Variants in NELL1 observed in about 807,000 individuals in gnomAD.
NELL1 encodes protein kinase C-binding protein NELL1.
NELL1 carries 76 observed loss-of-function variants against 107.4 expected under a neutral mutation model. That is an observed-to-expected ratio of 0.71 (90% CI 0.59 to 0.86). The LOEUF (loss-of-function observed/expected upper bound fraction) is 0.86, where lower values mean the gene tolerates loss of function less well. Among genes scored for constraint, NELL1 ranks in the 40% least tolerant of loss-of-function variants. The pLI, the probability that NELL1 is intolerant of heterozygous loss-of-function variation, is 0.00. For synonymous variants in NELL1, 353 were observed against 341.2 expected, an observed-to-expected ratio of 1.03 and a Z score of -0.38; for missense variants, 1,024 against 1,005.5, an observed-to-expected ratio of 1.02 and a Z score of -0.25.
At chr11:21,140,736 C>G (rs978081730) in intron 13 of NELL1, among the ~76,000 whole-genome samples, 2 of 152,094 alleles carry the variant, frequency 1.3e-5, no homozygotes, top group Admixed American at 6.6e-5. Context: ...ATTGCTAGCT[C>G]TTTATAGAAA....
At chr11:20,964,455 T>C (rs563980033) in intron 12 of NELL1, among the ~76,000 whole-genome samples, 19 of 152,334 alleles carry the variant, frequency 1.2e-4, no homozygotes, top group Admixed American at 1.2e-3. Flanking sequence ...CAGAGTGTTT[T>C]AAATTTTTCA....
chr11:21,421,224 T>A (rs1161980309), intron 15 of NELL1, among the ~76,000 whole-genome samples: 2 of 152,190 alleles, frequency 1.3e-5, no homozygotes, highest in Non-Finnish European at 2.9e-5. Context: ...GGAATCTGCC[T>A]CTTCACCTAA....
intron 13 of NELL1, among the ~76,000 whole-genome samples, chr11:21,167,422 T>C (rs895307607): frequency 1.3e-5 from 2 of 151,838 alleles, no homozygotes; most frequent in African/African-American, 2.4e-5. Context: ...TGAGCCCTGG[T>C]TGGCTTAAGC....
At chr11:20,670,812 A>T (rs1251666236) in intron 1 of NELL1, among the ~76,000 whole-genome samples, 1 of 152,110 alleles carries the variant, frequency 6.6e-6, no homozygotes, top group Non-Finnish European at 1.5e-5. Context: ...CTGTGTGGTC[A>T]TTCCCTTTCC....
intron 13 of NELL1, among the ~76,000 whole-genome samples, chr11:21,180,200 T>C (rs1277951334): frequency 1.3e-5 from 2 of 151,748 alleles, no homozygotes; most frequent in African/African-American, 2.4e-5. Context: ...TAAATTAACC[T>C]GTATTACATA....
chr11:21,474,696 C>T (rs1190474745), intron 15 of NELL1, among the ~76,000 whole-genome samples: 3 of 151,988 alleles, frequency 2.0e-5, no homozygotes, highest in African/African-American at 7.3e-5. Flanking sequence ...TTTACATAAG[C>T]ACAATCTTTT....
At chr11:20,903,436 T>G (rs1391794733) in intron 5 of NELL1, among the ~76,000 whole-genome samples, 1 of 152,072 alleles carries the variant, frequency 6.6e-6, no homozygotes, top group Admixed American at 6.6e-5. Context: ...CACTTAGACC[T>G]CCTCATTGAG....
At chr11:21,509,934 G>A (rs777090199) in intron 15 of NELL1, among the ~76,000 whole-genome samples, 4 of 152,166 alleles carry the variant, frequency 2.6e-5, no homozygotes, top group Admixed American at 6.5e-5. Flanking sequence ...CCAAACTGCA[G>A]AGGATTCCAA....
chr11:21,308,886 C>T (rs1050938855), intron 14 of NELL1, among the ~76,000 whole-genome samples: 2 of 151,656 alleles, frequency 1.3e-5, no homozygotes, highest in African/African-American at 2.4e-5. Context: ...GTTGCTATTA[C>T]ATTATAGGAA....
At chr11:20,770,187 G>A (rs931986896) in intron 2 of NELL1, among the ~76,000 whole-genome samples, 3 of 152,200 alleles carry the variant, frequency 2.0e-5, no homozygotes, top group African/African-American at 7.2e-5. Flanking sequence ...TCATTTGGAA[G>A]GGTTTGAGGT....
At chr11:20,749,643 G>A (rs540710246) in intron 2 of NELL1, among the ~76,000 whole-genome samples, 14 of 152,060 alleles carry the variant, frequency 9.2e-5, no homozygotes, top group African/African-American at 3.1e-4. Context: ...GGTGTAATTA[G>A]CATACAATAA....
intron 15 of NELL1, among the ~76,000 whole-genome samples, chr11:21,431,149 G>C (rs569699576): frequency 6.6e-6 from 1 of 151,932 alleles, no homozygotes; most frequent in Non-Finnish European, 1.5e-5. Context: ...ACATCTACTT[G>C]GCTGATTTAC....
rs1441484811 is a variant in NELL1 at position 20,669,611 on chromosome 11, C to G, written c.-113C>G. ...ACCCGGCGCTGCCGAGCCACCTCCCCCGCCGCCCGCTAGCAAGTTTGGCGG... is the reference window on the plus strand; with the variant it reads ...ACCCGGCGCTGCCGAGCCACCTCCCGCGCCGCCCGCTAGCAAGTTTGGCGG... On this transcript the variant is annotated 5_prime_UTR_variant, in exon 1 of 20. Coordinates refer to ENST00000357134, the MANE Select transcript of NELL1 (RefSeq NM_006157.5). This position sits in a 1 kb window ranked among gnomAD's most constrained non-coding sequence, Gnocchi z 4.4. 5.6e-6 allele frequency: 5 copies of G among 900,484 alleles called. No individual in the cohort carries two copies. The South Asian group carries it at 7.6e-5, about 14-fold the overall frequency. The allele number at this position is 900,484 out of a possible 1,614,324, so 55.8% of individuals were successfully genotyped here.
chr11:21,479,745 G>A (rs567497293), intron 15 of NELL1, among the ~76,000 whole-genome samples: 6 of 152,224 alleles, frequency 3.9e-5, no homozygotes, highest in African/African-American at 1.4e-4. Flanking sequence ...TATCCCATTT[G>A]TCCTGTTGTG....
intron 2 of NELL1, among the ~76,000 whole-genome samples, chr11:20,721,305 T>C (rs1855383583): frequency 6.6e-6 from 1 of 151,258 alleles, no homozygotes. Flanking sequence ...TGTACGAATT[T>C]TGTATCAACA....
At chr11:20,927,582 G>A (rs1199076198) in intron 8 of NELL1, 140 bp downstream of exon 8, 3 of 699,318 alleles carry the variant, frequency 4.3e-6, no homozygotes, top group Middle Eastern at 2.7e-4. Context: ...CTAGCCATAC[G>A]AGCAATTGTG....
intron 3 of NELL1, among the ~76,000 whole-genome samples, chr11:20,807,676 C>A (rs1321286361): frequency 6.6e-6 from 1 of 152,198 alleles, no homozygotes; most frequent in Non-Finnish European, 1.5e-5. Flanking sequence ...GAGATTCCAT[C>A]TGGGAGCCAG....
At chr11:21,224,709 A>G (rs1857848845) in intron 13 of NELL1, among the ~76,000 whole-genome samples, 1 of 152,132 alleles carries the variant, frequency 6.6e-6, no homozygotes, top group South Asian at 2.1e-4. Context: ...TCAAGTTTAG[A>G]AATTATTCTG....
intron 15 of NELL1, among the ~76,000 whole-genome samples, chr11:21,476,798 G>A (rs1355333539): frequency 6.6e-6 from 1 of 152,078 alleles, no homozygotes; most frequent in Non-Finnish European, 1.5e-5. Context: ...CTTAGGGAAG[G>A]GAGAGCACAA....
Sources: gnomAD v4.1 joint callset for allele counts (sites outside exome capture counted in the v4.1 genomes callset) on GRCh38, gnomAD v4.1.1 for gene constraint, Gnocchi (gnomAD v3.1) non-coding constraint, MANE v1.5 for transcripts, NCBI Gene and HGNC (gene_info 2026-07-23, HGNC 2026-07-21) for gene names.